USP10: variants seen among roughly 807,000 people sequenced by gnomAD.
USP10 encodes ubiquitin specific peptidase 10.
A neutral mutation model predicts 84.5 loss-of-function variants in USP10; 22 were observed. The ratio of observed to expected loss-of-function variants is 0.26; its 90% CI spans 0.19 to 0.37. USP10 has a LOEUF of 0.37. USP10 is among the 10% of genes least tolerant of loss of function. The pLI is 1.00. For synonymous variants in USP10, 454 were observed against 387.6 expected (o/e 1.17, Z -2.01); for missense variants, 1,019 against 998.9 (o/e 1.02, Z -0.27).
chr16:84,719,575 T>C (rs1348812062), intron 1 of USP10, among the ~76,000 whole-genome samples: 1 of 152,226 alleles, frequency 6.6e-6, no homozygotes, highest in Non-Finnish European at 1.5e-5. Context: ...TGGTTTATGC[T>C]GCTCCCCTGC....
intron 1 of USP10, among the ~76,000 whole-genome samples, chr16:84,723,894 C>G (rs189175865): frequency 9.8e-5 from 15 of 152,302 alleles, no homozygotes; most frequent in African/African-American, 3.6e-4. Context: ...TTTTGTTCGT[C>G]CTTGGCCCCA....
At chr16:84,740,887 A>G (rs962390025) in intron 3 of USP10, among the ~76,000 whole-genome samples, 1 of 152,234 alleles carries the variant, frequency 6.6e-6, no homozygotes, top group Non-Finnish European at 1.5e-5. Context: ...CACAGGCACT[A>G]AGCTGATTGC....
chr16:84,715,922 C>T (rs1300685458), intron 1 of USP10, among the ~76,000 whole-genome samples: 2 of 152,220 alleles, frequency 1.3e-5, no homozygotes, highest in Non-Finnish European at 2.9e-5. Context: ...CATTTGGGCA[C>T]AGCCTCCGTC....
intron 12 of USP10, among the ~76,000 whole-genome samples, chr16:84,773,368 C>T (rs1457885266): frequency 6.6e-6 from 1 of 152,210 alleles, no homozygotes; most frequent in Non-Finnish European, 1.5e-5. Flanking sequence ...CTGGGCCTCA[C>T]TCCTGGGTCC....
At chr16:84,720,588 T>TTTTTTTTTTTTTTTC in intron 1 of USP10, among the ~76,000 whole-genome samples, 1 of 135,632 alleles carries the variant, frequency 7.4e-6, no homozygotes, top group Non-Finnish European at 1.6e-5. Flanking sequence ...TTTTTTTTTT[T>TTTTTTTTTTTTTTTC]TTTTTTTTTT....
At chr16:84,746,855 C>G (rs1911285136) in intron 4 of USP10, among the ~76,000 whole-genome samples, 1 of 152,030 alleles carries the variant, frequency 6.6e-6, no homozygotes, top group Admixed American at 6.5e-5. Flanking sequence ...CTTTTTGACT[C>G]TTTCATGAGA....
intron 1 of USP10, among the ~76,000 whole-genome samples, chr16:84,717,838 T>G (rs545472381): frequency 6.6e-6 from 1 of 152,374 alleles, no homozygotes; most frequent in African/African-American, 2.4e-5. Flanking sequence ...ACGGATTAAT[T>G]TACTGTAATG....
At chr16:84,717,230 A>C (rs983624423) in intron 1 of USP10, among the ~76,000 whole-genome samples, 1 of 151,844 alleles carries the variant, frequency 6.6e-6, no homozygotes, top group Admixed American at 6.6e-5. Flanking sequence ...ATACGCAGAA[A>C]TGTGTGTACA....
intron 7 of USP10, 43 bp downstream of exon 7, chr16:84,759,989 G>A: frequency 6.2e-7 from 1 of 1,605,036 alleles, no homozygotes; most frequent in South Asian, 1.1e-5. Context: ...CATATTGGGA[G>A]TTATGGAGAC....
chr16:84,711,367 C>G (rs1597274644), intron 1 of USP10, among the ~76,000 whole-genome samples: 1 of 152,200 alleles, frequency 6.6e-6, no homozygotes, highest in East Asian at 1.9e-4. Flanking sequence ...TCAGCACACT[C>G]CCCCACAGCT....
intron 3 of USP10, among the ~76,000 whole-genome samples, chr16:84,742,261 G>A (rs1910711043): frequency 6.6e-6 from 1 of 152,112 alleles, no homozygotes; most frequent in Admixed American, 6.5e-5. Flanking sequence ...CCTGCCCTTA[G>A]CAATTCAGTG....
intron 2 of USP10, among the ~76,000 whole-genome samples, chr16:84,738,854 T>A (rs984558363): frequency 3.3e-5 from 5 of 152,268 alleles, no homozygotes. Context: ...AGGAAGCCAA[T>A]CAAGCAGCAG....
chr16:84,743,344 A>G (rs1006331046), intron 3 of USP10, among the ~76,000 whole-genome samples: 2 of 152,136 alleles, frequency 1.3e-5, no homozygotes, highest in African/African-American at 2.4e-5. Flanking sequence ...CTGTGATTCT[A>G]AAGCATACGA....
intron 13 of USP10, among the ~76,000 whole-genome samples, chr16:84,777,442 C>G (rs1336612967): frequency 6.6e-6 from 1 of 152,178 alleles, no homozygotes; most frequent in Non-Finnish European, 1.5e-5. Context: ...AACTTGGGAT[C>G]CAGGGGACAT....
chr16:84,757,109 C>A (rs1912632851), intron 4 of USP10, among the ~76,000 whole-genome samples: 1 of 152,212 alleles, frequency 6.6e-6, no homozygotes, highest in Middle Eastern at 3.4e-3. Flanking sequence ...CACAAAGCTT[C>A]TAGCACAGTG....
At chr16:84,724,521 G>C (rs905138418) in intron 1 of USP10, among the ~76,000 whole-genome samples, 3 of 152,212 alleles carry the variant, frequency 2.0e-5, no homozygotes, top group Non-Finnish European at 4.4e-5. Context: ...GAGTGACTTT[G>C]TGATAGTTTG....
At chr16:84,777,054 G>C (rs1291748210) in intron 13 of USP10, among the ~76,000 whole-genome samples, 2 of 152,200 alleles carry the variant, frequency 1.3e-5, no homozygotes, top group Non-Finnish European at 2.9e-5. Flanking sequence ...TTGGAAATGA[G>C]GTCACCGGAC....
chr16:84,760,925 G>GA (rs1237638368), intron 8 of USP10, among the ~76,000 whole-genome samples: 1 of 152,162 alleles, frequency 6.6e-6, no homozygotes, highest in Non-Finnish European at 1.5e-5. Context: ...TATTCAGAGA[G>GA]AAAAATAGTT....
At chr16:84,714,725 T>A (rs1906776021) in intron 1 of USP10, among the ~76,000 whole-genome samples, 1 of 152,018 alleles carries the variant, frequency 6.6e-6, no homozygotes, top group African/African-American at 2.4e-5. Flanking sequence ...AGCACATTAT[T>A]GTAAACTGGA....
Sources: allele counts gnomAD v4.1 joint callset (sites outside exome capture counted in the v4.1 genomes callset), GRCh38; gene constraint gnomAD v4.1.1; transcripts MANE v1.5; gene names NCBI Gene and HGNC (gene_info 2026-07-23, HGNC 2026-07-21).